The following SGCZ variants were observed in gnomAD, a reference collection of about 807,000 sequenced individuals.
SGCZ encodes sarcoglycan zeta.
A neutral mutation model predicts 41.3 loss-of-function variants in SGCZ; 40 were observed. The ratio of observed to expected loss-of-function variants is 0.97; its 90% CI spans 0.75 to 1.26. The LOEUF is 1.26. Ranked by LOEUF, SGCZ falls within the 50% of genes most tolerant of loss-of-function variation. SGCZ has a pLI of 0.00. For missense variants in SGCZ, 552 were observed against 369.8 expected (o/e 1.49, Z -4.04); for synonymous variants, 206 against 137.5 (o/e 1.50, Z -3.49).
chr8:14,762,531 G>A (rs912585075), intron 1 of SGCZ, among the ~76,000 whole-genome samples: 1 of 152,160 alleles, frequency 6.6e-6, no homozygotes, highest in South Asian at 2.1e-4. Context: ...TGAATGAATA[G>A]GGAGGTTTAT....
At chr8:14,373,780 T>G (rs2117169260) in intron 2 of SGCZ, among the ~76,000 whole-genome samples, 1 of 152,176 alleles carries the variant, frequency 6.6e-6, no homozygotes, top group Middle Eastern at 3.4e-3. Context: ...TACGGAAATC[T>G]TTCAAGACCT....
intron 2 of SGCZ, 55 bp downstream of exon 2, chr8:14,554,677 G>T: frequency 1.4e-6 from 2 of 1,439,472 alleles, no homozygotes; most frequent in Non-Finnish European, 1.9e-6. Context: ...AAGTAACAGA[G>T]CTAGATTGTC....
intron 1 of SGCZ, among the ~76,000 whole-genome samples, chr8:14,615,982 T>G (rs758332907): frequency 2.6e-5 from 4 of 152,028 alleles, no homozygotes; most frequent in Admixed American, 2.0e-4. Flanking sequence ...TGGGTCATGA[T>G]TGTAGTATGG....
intron 1 of SGCZ, among the ~76,000 whole-genome samples, chr8:14,816,836 C>A (rs962936774): frequency 3.3e-5 from 5 of 152,150 alleles, no homozygotes; most frequent in African/African-American, 1.2e-4. Flanking sequence ...ATGCACCAAA[C>A]AGCAAATGTA....
chr8:14,774,305 C>G (rs1800335538), intron 1 of SGCZ, among the ~76,000 whole-genome samples: 1 of 152,178 alleles, frequency 6.6e-6, no homozygotes, highest in African/African-American at 2.4e-5. Flanking sequence ...TTGTTAGTCT[C>G]TATAATTGCA....
At chr8:14,724,723 A>T (rs1294225882) in intron 1 of SGCZ, among the ~76,000 whole-genome samples, 1 of 151,936 alleles carries the variant, frequency 6.6e-6, no homozygotes, top group Non-Finnish European at 1.5e-5. Context: ...TTATGAATAC[A>T]TAATAGTTGT....
intron 4 of SGCZ, among the ~76,000 whole-genome samples, chr8:14,169,910 G>C (rs10099355): frequency 0.075 from 11,479 of 152,134 alleles, 943 homozygotes; most frequent in African/African-American, 0.21. Flanking sequence ...GAAAGGCAGA[G>C]ACCAGCATAG....
intron 2 of SGCZ, among the ~76,000 whole-genome samples, chr8:14,421,050 T>A (rs1275737496): frequency 3.3e-5 from 5 of 152,114 alleles, no homozygotes; most frequent in African/African-American, 1.2e-4. Flanking sequence ...TGAGATGATT[T>A]TATTCTAAAC....
chr8:14,600,534 C>G (rs1344565240), intron 1 of SGCZ, among the ~76,000 whole-genome samples: 1 of 152,144 alleles, frequency 6.6e-6, no homozygotes, highest in Admixed American at 6.6e-5. Flanking sequence ...ACCTCCCAGG[C>G]AGTTACGAAA....
rs75566161 is a variant in SGCZ at position 14,469,458 on chromosome 8, A to G, written c.234+85274T>C. On this transcript the variant is annotated intron_variant, in intron 2 of 7. Transcript: ENST00000382080. ...TAGCATATGTCATAATTGTAAATCT[A>G]TATTTGTGTGATTATCTGATAAATG... Among the ~76,000 whole-genome samples the G allele has an allele frequency of 1.2e-3, 183 of 152,076 alleles. 1 individual carries two copies. The highest frequency in any genetic ancestry group is 4.0e-3 in the African/African-American group (167 of 41,496).
intron 1 of SGCZ, among the ~76,000 whole-genome samples, chr8:14,686,751 G>T (rs934359911): frequency 1.3e-5 from 2 of 151,968 alleles, no homozygotes; most frequent in Admixed American, 6.6e-5. Flanking sequence ...TTTAATGCAT[G>T]GTTTTGAATA....
chr8:15,069,915 A>G (rs1205179908), intron 1 of SGCZ, among the ~76,000 whole-genome samples: 2 of 152,074 alleles, frequency 1.3e-5, no homozygotes, highest in African/African-American at 4.8e-5. Context: ...CATTTTATAT[A>G]TCTATTAGGC....
intron 1 of SGCZ, among the ~76,000 whole-genome samples, chr8:14,735,773 A>C (rs1250386678): frequency 1.3e-5 from 2 of 152,128 alleles, no homozygotes; most frequent in Non-Finnish European, 2.9e-5. Flanking sequence ...ATATTAATAT[A>C]AATATATTAG....
chr8:14,373,313 T>C (rs1014952578), intron 2 of SGCZ, among the ~76,000 whole-genome samples: 1 of 152,184 alleles, frequency 6.6e-6, no homozygotes, highest in Admixed American at 6.5e-5. Context: ...TTTGGACATG[T>C]TAAATCTGAA....
intron 1 of SGCZ, among the ~76,000 whole-genome samples, chr8:14,772,123 C>T (rs542904876): frequency 3.1e-4 from 47 of 152,232 alleles, no homozygotes; most frequent in African/African-American, 1.1e-3. Flanking sequence ...ACATTCAACA[C>T]TTTAAATAAA....
chr8:14,442,734 T>A (rs1800307952), intron 2 of SGCZ, among the ~76,000 whole-genome samples: 1 of 152,198 alleles, frequency 6.6e-6, no homozygotes, highest in South Asian at 2.1e-4. Context: ...ATCTTCTGAT[T>A]TGTTTCATTG....
At chr8:14,914,234 A>G (rs1405196494) in intron 1 of SGCZ, among the ~76,000 whole-genome samples, 1 of 139,964 alleles carries the variant, frequency 7.1e-6, no homozygotes, top group Admixed American at 7.0e-5. Flanking sequence ...GTATGCGTAT[A>G]TATATATAGA....
intron 4 of SGCZ, among the ~76,000 whole-genome samples, chr8:14,172,038 G>C (rs1804398441): frequency 6.6e-6 from 1 of 152,058 alleles, no homozygotes; most frequent in African/African-American, 2.4e-5. Flanking sequence ...TTGCTTTGAA[G>C]AGTATTATTT....
intron 1 of SGCZ, among the ~76,000 whole-genome samples, chr8:14,640,029 C>T (rs779841388): frequency 6.6e-6 from 1 of 151,726 alleles, no homozygotes; most frequent in African/African-American, 2.4e-5. Flanking sequence ...CGTATTTATG[C>T]ATTAGCTTTA....
Sources: allele counts gnomAD v4.1 joint callset (sites outside exome capture counted in the v4.1 genomes callset), GRCh38; gene constraint gnomAD v4.1.1; transcripts MANE v1.5; gene names NCBI Gene and HGNC (gene_info 2026-07-23, HGNC 2026-07-21).